The following RASGRP3 variants were observed in gnomAD, a reference collection of about 807,000 sequenced individuals.
RASGRP3 encodes the protein RAS guanyl releasing protein 3.
A neutral mutation model predicts 82.7 loss-of-function variants in RASGRP3; 54 were observed. The observed-to-expected ratio is 0.65, with a 90% CI of 0.52 to 0.82. RASGRP3 has a LOEUF of 0.82. Among genes scored for constraint, RASGRP3 ranks in the 40% least tolerant of loss-of-function variants. RASGRP3 has a pLI of 0.00. For missense variants in RASGRP3, 861 were observed against 828.9 expected, an observed-to-expected ratio of 1.04 and a Z score of -0.48; for synonymous variants, 309 against 300.5, an observed-to-expected ratio of 1.03 and a Z score of -0.29.
chr2:33,438,099 C>G (rs1665020921), intron 1 of RASGRP3, among the ~76,000 whole-genome samples: 1 of 152,240 alleles, frequency 6.6e-6, no homozygotes, highest in Non-Finnish European at 1.5e-5. Flanking sequence ...ACAACGTTCA[C>G]ATTTGACACA....
intron 2 of RASGRP3, among the ~76,000 whole-genome samples, chr2:33,464,110 A>AATAATTATTATTATTATTATT (rs1398514920): frequency 7.6e-5 from 11 of 144,260 alleles, no homozygotes; most frequent in Admixed American, 4.8e-4. Context: ...TAATAATAAT[A>AATAATTATTATTATTATTATT]ATTATTATTA....
At chr2:33,441,751 A>G (rs1251283482) in intron 1 of RASGRP3, among the ~76,000 whole-genome samples, 1 of 152,218 alleles carries the variant, frequency 6.6e-6, no homozygotes, top group African/African-American at 2.4e-5. Flanking sequence ...TAGATCTTTG[A>G]TTCTAAATAT....
intron 15 of RASGRP3, 113 bp downstream of exon 15, chr2:33,555,680 T>C: frequency 2.1e-6 from 2 of 933,490 alleles, no homozygotes; most frequent in Non-Finnish European, 3.3e-6. Flanking sequence ...TTCAGTCTTT[T>C]GGGTCAACGG....
chr2:33,494,488 G>C (rs1176952397), intron 1 of RASGRP3, among the ~76,000 whole-genome samples: 1 of 152,068 alleles, frequency 6.6e-6, no homozygotes, highest in African/African-American at 2.4e-5. Context: ...TATCCCAAAG[G>C]GTCTACCGTG....
At chr2:33,538,209 T>A (rs1239156540) in intron 11 of RASGRP3, among the ~76,000 whole-genome samples, 1 of 152,158 alleles carries the variant, frequency 6.6e-6, no homozygotes, top group Non-Finnish European at 1.5e-5. Context: ...CCATTTAAAA[T>A]AATGGAATTT....
At chr2:33,459,605 C>G (rs769954119) in intron 2 of RASGRP3, among the ~76,000 whole-genome samples, 2 of 144,592 alleles carry the variant, frequency 1.4e-5, no homozygotes. Flanking sequence ...GTGAACTGAG[C>G]TCAACTTTGA....
rs1558535085 is a variant in RASGRP3 at position 33,562,720 on chromosome 2, G to T, written c.2065-9G>T. ...CCAGCCATGCAATAGGTTCCAATTT[G>T]TGTTTCAGGATGGCTGACTTCAGGC... On this transcript the variant is annotated splice_polypyrimidine_tract_variant and intron_variant, in intron 17 of 17. Coordinates refer to ENST00000403687, the MANE Select transcript of RASGRP3 (RefSeq NM_001139488.2). The T allele has an allele frequency of 6.2e-7, 1 of 1,613,494 alleles. No homozygotes were observed. Among genetic ancestry groups the T allele is most frequent in the South Asian group, 1.1e-5 (1 of 91,052 alleles).
intron 2 of RASGRP3, among the ~76,000 whole-genome samples, chr2:33,456,872 A>C (rs1020737599): frequency 6.6e-6 from 1 of 151,732 alleles, no homozygotes; most frequent in Non-Finnish European, 1.5e-5. Context: ...CCATTCGTCA[A>C]AGTCTACCAG....
chr2:33,560,162 C>G (rs1676490005), intron 17 of RASGRP3, among the ~76,000 whole-genome samples: 1 of 152,208 alleles, frequency 6.6e-6, no homozygotes, highest in Non-Finnish European at 1.5e-5. Context: ...GCAACCATCA[C>G]TACAATCTAA....
At chr2:33,462,775 G>A (rs999381112) in intron 2 of RASGRP3, among the ~76,000 whole-genome samples, 1 of 152,174 alleles carries the variant, frequency 6.6e-6, no homozygotes, top group East Asian at 1.9e-4. Flanking sequence ...TCAAGAAAAA[G>A]AATTTAAATA....
intron 12 of RASGRP3, chr2:33,540,194 A>G (rs1348292201): frequency 6.7e-6 from 1 of 148,294 alleles, no homozygotes; most frequent in Non-Finnish European, 1.5e-5. Context: ...AGAAAAAGAA[A>G]GAATGTCTTA....
chr2:33,443,377 CATTT>C (rs1233113725), intron 1 of RASGRP3, among the ~76,000 whole-genome samples: 2 of 152,112 alleles, frequency 1.3e-5, no homozygotes, highest in East Asian at 1.9e-4. Context: ...GCTGTGGTAA[CATTT>C]ATTTATTTCT....
Position 33,537,321 on chromosome 2 carries a change from C to CACACACA in RASGRP3, c.1162-1773_1162-1772insACACACA, listed in dbSNP as rs1553359083. Among the ~76,000 whole-genome samples, 164 of 103,108 alleles carry CACACACA rather than the reference C, an allele frequency of 1.6e-3. 13 individuals carry two copies. Among genetic ancestry groups the CACACACA allele is most frequent in the Admixed American group, 4.3e-3 (37 of 8,656 alleles). The allele number at this position is 103,108 out of a possible 152,430, so 67.6% of individuals were successfully genotyped here. On this transcript the variant is annotated intron_variant, in intron 11 of 17. Transcript: ENST00000403687. Reference sequence around the variant, plus strand: ...TCTCTAAAATACACACACACACACACCGCCCCCCCCACACACACACACAAG... The same window carrying CACACACA: ...TCTCTAAAATACACACACACACACACACACACACGCCCCCCCCACACACACACACAAG...
chr2:33,553,251 C>G (rs1675550830), intron 14 of RASGRP3, among the ~76,000 whole-genome samples: 1 of 152,190 alleles, frequency 6.6e-6, no homozygotes, highest in Non-Finnish European at 1.5e-5. Flanking sequence ...CCTCAAGTGA[C>G]ACATTCTTCT....
chr2:33,483,632 G>A (rs1198659843), intron 1 of RASGRP3, among the ~76,000 whole-genome samples: 1 of 151,828 alleles, frequency 6.6e-6, no homozygotes, highest in African/African-American at 2.4e-5. Context: ...GCGACTATAG[G>A]CACCTGCCAC....
chr2:33,494,942 T>C (rs17038544), intron 1 of RASGRP3, among the ~76,000 whole-genome samples: 4,585 of 152,320 alleles, frequency 0.03, 210 homozygotes, highest in African/African-American at 0.1. Context: ...TGCAGAAATC[T>C]CCAAATTTAC....
At chr2:33,440,726 G>A (rs1460887104) in intron 1 of RASGRP3, among the ~76,000 whole-genome samples, 1 of 151,876 alleles carries the variant, frequency 6.6e-6, no homozygotes, top group African/African-American at 2.4e-5. Flanking sequence ...TTTTCCCTTG[G>A]TCATCTGGTG....
chr2:33,537,508 G>A (rs1673770863), intron 11 of RASGRP3, among the ~76,000 whole-genome samples: 1 of 151,798 alleles, frequency 6.6e-6, no homozygotes. Context: ...ACAGGCATGT[G>A]CCACCACATC....
chr2:33,506,281 G>A (rs1670369250), intron 1 of RASGRP3, among the ~76,000 whole-genome samples: 1 of 152,170 alleles, frequency 6.6e-6, no homozygotes, highest in Non-Finnish European at 1.5e-5. Context: ...GATCTAATGG[G>A]CAGGCCTTAA....
Sources: gnomAD v4.1 joint callset for allele counts (sites outside exome capture counted in the v4.1 genomes callset) on GRCh38, gnomAD v4.1.1 for gene constraint, MANE v1.5 for transcripts, NCBI Gene and HGNC (gene_info 2026-07-23, HGNC 2026-07-21) for gene names.